Variants in CNTNAP5 observed in about 807,000 individuals in gnomAD.
The protein encoded by CNTNAP5 is contactin-associated protein-like 5.
CNTNAP5 carries 72 observed loss-of-function variants against 150.2 expected under a neutral mutation model. That is an observed-to-expected ratio of 0.48 (90% CI 0.40 to 0.58). The LOEUF (loss-of-function observed/expected upper bound fraction) is 0.58, where lower values mean the gene tolerates loss of function less well. Ranked by LOEUF, CNTNAP5 falls within the 20% of genes least tolerant of loss-of-function variation. The pLI, the probability that CNTNAP5 is intolerant of heterozygous loss-of-function variation, is 0.00. For synonymous variants in CNTNAP5, 672 were observed against 619.8 expected (o/e 1.08, Z -1.25); for missense variants, 1,636 against 1,626.2 (o/e 1.01, Z -0.10).
At chr2:124,664,709 G>A (rs188935599) in intron 13 of CNTNAP5, among the ~76,000 whole-genome samples, 19 of 152,306 alleles carry the variant, frequency 1.2e-4, no homozygotes, top group Admixed American at 1.1e-3. Flanking sequence ...CTTTTGAGAC[G>A]GAGTTTTGCT....
At chr2:124,505,822 A>G (rs6711296) in intron 8 of CNTNAP5, among the ~76,000 whole-genome samples, 129,339 of 152,130 alleles carry the variant, frequency 0.85, 55,151 homozygotes, top group East Asian at 1. Flanking sequence ...ATTGGTCTGC[A>G]GCATGCTGAT....
At chr2:124,206,205 G>C (rs899997303) in intron 1 of CNTNAP5, among the ~76,000 whole-genome samples, 7 of 152,172 alleles carry the variant, frequency 4.6e-5, no homozygotes, top group African/African-American at 1.7e-4. Flanking sequence ...CTGTGACCTT[G>C]AGCAAGTTAC....
intron 10 of CNTNAP5, among the ~76,000 whole-genome samples, chr2:124,558,402 G>C (rs1573457803): frequency 6.6e-6 from 1 of 152,040 alleles, no homozygotes; most frequent in East Asian, 1.9e-4. Flanking sequence ...AGCAGGTGGT[G>C]GGGGCAGGGT....
intron 1 of CNTNAP5, among the ~76,000 whole-genome samples, chr2:124,218,069 TCATTCTTC>T (rs1366389971): frequency 6.6e-6 from 1 of 152,140 alleles, no homozygotes; most frequent in African/African-American, 2.4e-5. Flanking sequence ...TTATGCTAGA[TCATTCTTC>T]CTTTGCTTTA....
intron 19 of CNTNAP5, among the ~76,000 whole-genome samples, chr2:124,803,330 C>T (rs767875236): frequency 3.9e-5 from 6 of 151,958 alleles, no homozygotes; most frequent in Non-Finnish European, 5.9e-5. Context: ...TATTTTTTCA[C>T]GAAAATAAAG....
intron 4 of CNTNAP5, 82 bp from the exon 5 acceptor site, chr2:124,434,402 A>G: frequency 9.3e-7 from 1 of 1,072,430 alleles, no homozygotes; most frequent in Admixed American, 1.7e-5. Flanking sequence ...TGTGAACTGG[A>G]CATGAAATAA....
rs532338764 is a variant in CNTNAP5 at position 124,356,407 on chromosome 2, C to T, written c.382-61036C>T. Among the ~76,000 whole-genome samples the T allele has an allele frequency of 3.3e-4, 49 of 150,136 alleles. 1 individual carries two copies. In the East Asian group the frequency reaches 9.6e-3, roughly 29 times the overall value. On this transcript the variant is annotated intron_variant, in intron 3 of 23. Coordinates refer to ENST00000682447, the MANE Select transcript of CNTNAP5 (RefSeq NM_001367498.1). ...GTGCCATGCTGGTGCGCTGCACCCACTAAATCGTCATCTAGCATTAGGTAT... is the reference window on the plus strand; with the variant it reads ...GTGCCATGCTGGTGCGCTGCACCCATTAAATCGTCATCTAGCATTAGGTAT...
chr2:124,698,101 A>G (rs1360176903), intron 13 of CNTNAP5, among the ~76,000 whole-genome samples: 1 of 152,084 alleles, frequency 6.6e-6, no homozygotes, highest in African/African-American at 2.4e-5. Context: ...GATATAATAC[A>G]GAAAGATTAT....
intron 1 of CNTNAP5, among the ~76,000 whole-genome samples, chr2:124,078,572 A>C (rs1220083198): frequency 2.0e-5 from 3 of 152,214 alleles, no homozygotes; most frequent in African/African-American, 7.2e-5. Flanking sequence ...ATCACCTTCA[A>C]ACTGTGATGG....
chr2:124,499,794 G>C (rs189546083), intron 7 of CNTNAP5, among the ~76,000 whole-genome samples: 76 of 152,242 alleles, frequency 5.0e-4, no homozygotes, highest in African/African-American at 1.7e-3. Context: ...GTATTAATCA[G>C]TGTTCTCCAG....
In CNTNAP5 at chr2:124,914,084, C is replaced by A; in HGVS notation, c.3728-8C>A. ...TTCCTTCTCTCTTTCCTTCCCCTTT[C>A]TCTCCAGGGGTGATAGCAGTGGTGA... On this transcript the variant is annotated splice_region_variant and splice_polypyrimidine_tract_variant and intron_variant, in intron 23 of 23. Coordinates refer to ENST00000682447, the MANE Select transcript of CNTNAP5 (RefSeq NM_001367498.1). The A allele has an allele frequency of 6.2e-7, 1 of 1,600,342 alleles. No individual in the cohort carries two copies. Among genetic ancestry groups the A allele is most frequent in the Non-Finnish European group, 8.5e-7 (1 of 1,170,260 alleles).
At chr2:124,471,431 G>T (rs956208901) in intron 6 of CNTNAP5, among the ~76,000 whole-genome samples, 4 of 152,166 alleles carry the variant, frequency 2.6e-5, no homozygotes, top group African/African-American at 9.7e-5. Context: ...ATGAGACTTT[G>T]CTGAAGTTGC....
intron 1 of CNTNAP5, among the ~76,000 whole-genome samples, chr2:124,077,312 A>G (rs73954523): frequency 0.01 from 1,532 of 152,258 alleles, 26 homozygotes; most frequent in African/African-American, 0.035. Flanking sequence ...GATAATTGCA[A>G]TCAGTATTGT....
At chr2:124,124,001 C>T (rs563838738) in intron 1 of CNTNAP5, among the ~76,000 whole-genome samples, 1 of 152,252 alleles carries the variant, frequency 6.6e-6, no homozygotes, top group Non-Finnish European at 1.5e-5. Context: ...AGCACCTCTC[C>T]TCCTCCAAAG....
intron 10 of CNTNAP5, among the ~76,000 whole-genome samples, chr2:124,542,068 CA>C (rs1323679822): frequency 6.6e-6 from 1 of 151,892 alleles, no homozygotes; most frequent in East Asian, 1.9e-4. Context: ...TCCCCAAATG[CA>C]TACGTTATTG....
chr2:124,489,538 G>A (rs1287523622), intron 7 of CNTNAP5, among the ~76,000 whole-genome samples: 1 of 152,126 alleles, frequency 6.6e-6, no homozygotes, highest in Non-Finnish European at 1.5e-5. Context: ...TTCAACACAT[G>A]AATTTAGAGG....
At chr2:124,571,527 CTTTTTTTT>C (rs1214169811) in intron 11 of CNTNAP5, among the ~76,000 whole-genome samples, 1 of 46,850 alleles carries the variant, frequency 2.1e-5, no homozygotes, top group Non-Finnish European at 3.6e-5. Flanking sequence ...TTTCTTTTTT[CTTTTTTTT>C]TTTTTTTTTT....
intron 19 of CNTNAP5, among the ~76,000 whole-genome samples, chr2:124,840,565 A>C (rs1259521203): frequency 6.6e-6 from 1 of 151,984 alleles, no homozygotes; most frequent in Non-Finnish European, 1.5e-5. Context: ...CAACCTTATC[A>C]CATCACAGAA....
intron 12 of CNTNAP5, among the ~76,000 whole-genome samples, chr2:124,613,803 A>C (rs1415342605): frequency 6.6e-5 from 10 of 152,204 alleles, no homozygotes; most frequent in Non-Finnish European, 1.5e-4. Flanking sequence ...TATGTAATGT[A>C]AAAAGCCATA....
Sources: gnomAD v4.1 joint callset for allele counts (sites outside exome capture counted in the v4.1 genomes callset) on GRCh38, gnomAD v4.1.1 for gene constraint, MANE v1.5 for transcripts, NCBI Gene and HGNC (gene_info 2026-07-23, HGNC 2026-07-21) for gene names.